The following CEP128 variants were observed in gnomAD, a reference collection of about 807,000 sequenced individuals.
CEP128 encodes centrosomal protein 128.
CEP128 carries 132 observed loss-of-function variants against 156.7 expected under a neutral mutation model. That is an observed-to-expected ratio of 0.84 (90% CI 0.73 to 0.97). CEP128 has a LOEUF of 0.97. CEP128 is among the 50% of genes least tolerant of loss of function. The probability of loss-of-function intolerance (pLI) is 0.00; values close to 1 mark genes in which losing one functional copy is unlikely to be tolerated. For synonymous variants in CEP128, 469 were observed against 448.9 expected, an observed-to-expected ratio of 1.04 and a Z score of -0.57; for missense variants, 1,252 against 1,281.9, an observed-to-expected ratio of 0.98 and a Z score of 0.36.
intron 19 of CEP128, among the ~76,000 whole-genome samples, chr14:80,611,932 C>T (rs1472157752): frequency 6.6e-6 from 1 of 152,112 alleles, no homozygotes; most frequent in African/African-American, 2.4e-5. Flanking sequence ...GTAGCCTGTG[C>T]CTGTAATCCC....
chr14:80,941,160 C>G (rs1886132090), intron 1 of CEP128, among the ~76,000 whole-genome samples: 1 of 152,128 alleles, frequency 6.6e-6, no homozygotes, highest in Non-Finnish European at 1.5e-5. Flanking sequence ...AGCACGCTTT[C>G]TGTGACTACA....
intron 23 of CEP128, among the ~76,000 whole-genome samples, chr14:80,522,302 C>T (rs947281857): frequency 2.0e-4 from 31 of 152,140 alleles, no homozygotes; most frequent in African/African-American, 7.0e-4. Flanking sequence ...AAGGTATAAA[C>T]AAATCACAAA....
At chr14:80,714,773 G>A (rs901516298) in intron 19 of CEP128, among the ~76,000 whole-genome samples, 1 of 151,390 alleles carries the variant, frequency 6.6e-6, no homozygotes, top group African/African-American at 2.4e-5. Context: ...CATCCTAAAA[G>A]CAGCAGATCA....
At chr14:80,956,080 C>G in intron 2 of CEP128, 1 of 614,466 alleles carries the variant, frequency 1.6e-6, no homozygotes, top group Non-Finnish European at 2.9e-6. Context: ...GAAAATGTTA[C>G]AAAACTTTGG....
intron 21 of CEP128, among the ~76,000 whole-genome samples, chr14:80,555,556 T>G (rs1478893608): frequency 3.3e-5 from 5 of 152,126 alleles, no homozygotes; most frequent in Non-Finnish European, 5.9e-5. Context: ...AATTAATGAG[T>G]TAAATAAACA....
At chr14:80,768,222 C>A (rs2139719351) in intron 16 of CEP128, among the ~76,000 whole-genome samples, 1 of 152,258 alleles carries the variant, frequency 6.6e-6, no homozygotes, top group Admixed American at 6.5e-5. Flanking sequence ...TTATTTAATT[C>A]ATTGAGGACA....
At chr14:80,720,030 G>A (rs1897755006) in intron 19 of CEP128, among the ~76,000 whole-genome samples, 1 of 152,138 alleles carries the variant, frequency 6.6e-6, no homozygotes, top group Non-Finnish European at 1.5e-5. Flanking sequence ...AATGGAGCAA[G>A]ATCCCTCCGA....
chr14:80,664,729 A>G (rs1349931852), intron 19 of CEP128, among the ~76,000 whole-genome samples: 1 of 152,222 alleles, frequency 6.6e-6, no homozygotes, highest in Non-Finnish European at 1.5e-5. Flanking sequence ...ACTTGACTAC[A>G]GTGTGACTGC....
chr14:80,598,117 T>C (rs1892422240), intron 19 of CEP128, among the ~76,000 whole-genome samples: 1 of 150,900 alleles, frequency 6.6e-6, no homozygotes, highest in Non-Finnish European at 1.5e-5. Context: ...GAAAAGAAAA[T>C]AAAGGCATAG....
chr14:80,814,031 ATTC>A (rs1339357656), intron 13 of CEP128, among the ~76,000 whole-genome samples: 1 of 152,166 alleles, frequency 6.6e-6, no homozygotes, highest in African/African-American at 2.4e-5. Context: ...ATATGTTTCT[ATTC>A]TTCTTGTTTC....
chr14:80,927,282 G>T (rs1220863675), intron 2 of CEP128, among the ~76,000 whole-genome samples: 1 of 152,164 alleles, frequency 6.6e-6, no homozygotes, highest in Non-Finnish European at 1.5e-5. Context: ...TGCAGTGCTG[G>T]GCTCAGTAGG....
intron 2 of CEP128, among the ~76,000 whole-genome samples, chr14:80,917,934 T>C (rs1405980293): frequency 1.3e-5 from 2 of 152,164 alleles, no homozygotes; most frequent in Non-Finnish European, 2.9e-5. Context: ...AAAGAATCAA[T>C]GAAATAGCCA....
At chr14:80,553,332 C>G (rs1489014300) in intron 21 of CEP128, among the ~76,000 whole-genome samples, 4 of 152,084 alleles carry the variant, frequency 2.6e-5, no homozygotes, top group Non-Finnish European at 5.9e-5. Flanking sequence ...TGAGTGAGAA[C>G]AATACATTTT....
At chr14:80,797,032 G>A (rs753662681) in intron 13 of CEP128, among the ~76,000 whole-genome samples, 6 of 152,176 alleles carry the variant, frequency 3.9e-5, no homozygotes, top group Non-Finnish European at 8.8e-5. Flanking sequence ...ACAACTGATA[G>A]ATGTCTAAAA....
intron 19 of CEP128, among the ~76,000 whole-genome samples, chr14:80,593,546 C>CAAA (rs780221928): frequency 4.8e-4 from 37 of 77,810 alleles, no homozygotes; most frequent in African/African-American, 1.3e-3. Context: ...GACTCCATCT[C>CAAA]AAAAAAAAAA....
chr14:80,883,003 G>T (rs1318561875), intron 8 of CEP128, among the ~76,000 whole-genome samples: 1 of 152,062 alleles, frequency 6.6e-6, no homozygotes, highest in African/African-American at 2.4e-5. Flanking sequence ...GGTGACTAAG[G>T]TCAATAAGAA....
chr14:80,856,686 T>C (rs1243746315), intron 9 of CEP128, among the ~76,000 whole-genome samples: 3 of 149,348 alleles, frequency 2.0e-5, no homozygotes, highest in Non-Finnish European at 3.0e-5. Flanking sequence ...TGCGTGTGTG[T>C]GTGTGTCCAG....
intron 23 of CEP128, among the ~76,000 whole-genome samples, chr14:80,510,975 T>C (rs77986865): frequency 3.3e-5 from 5 of 151,890 alleles, no homozygotes; most frequent in African/African-American, 9.7e-5. Flanking sequence ...ATCTTTTTAA[T>C]AGATTATTGA....
At chr14:80,647,271 T>G (rs1595146129) in intron 19 of CEP128, among the ~76,000 whole-genome samples, 1 of 151,722 alleles carries the variant, frequency 6.6e-6, no homozygotes, top group Admixed American at 6.6e-5. Flanking sequence ...GCTTTTTTTC[T>G]ACCTTTTCAC....
Sources: allele counts gnomAD v4.1 joint callset (sites outside exome capture counted in the v4.1 genomes callset), GRCh38; gene constraint gnomAD v4.1.1; transcripts MANE v1.5; gene names NCBI Gene and HGNC (gene_info 2026-07-23, HGNC 2026-07-21).